Variants in TGDS observed in about 807,000 individuals in gnomAD.
TGDS encodes the protein TDP-glucose 4,6-dehydratase.
In TGDS, 47 loss-of-function variants were observed where a neutral mutation model predicts 52.3. The ratio of observed to expected loss-of-function variants is 0.90; its 90% confidence interval spans 0.71 to 1.15. The LOEUF (loss-of-function observed/expected upper bound fraction) is 1.15. Among genes scored for constraint, TGDS ranks in the 50% most tolerant of loss-of-function variants. The probability of loss-of-function intolerance (pLI) is 0.00; values close to 1 mark genes in which losing one functional copy is unlikely to be tolerated. For synonymous variants in TGDS, 115 were observed against 136.9 expected (o/e 0.84, Z 1.12); for missense variants, 375 against 418.4 (o/e 0.90, Z 0.90).
intron 2 of TGDS, among the ~76,000 whole-genome samples, chr13:94,593,409 T>C (rs1285337576): frequency 6.6e-6 from 1 of 152,168 alleles, no homozygotes; most frequent in Non-Finnish European, 1.5e-5. Flanking sequence ...CCAATTACCC[T>C]GATTTGATCA....
At chr13:94,582,569 G>A (rs930889356) in intron 5 of TGDS, among the ~76,000 whole-genome samples, 1 of 152,192 alleles carries the variant, frequency 6.6e-6, no homozygotes, top group Non-Finnish European at 1.5e-5. Context: ...TCAACTTGAC[G>A]GGATTGAAGG....
At chr13:94,577,871 G>A (rs972521480) in intron 9 of TGDS, 134 bp downstream of exon 9, 1 of 896,578 alleles carries the variant, frequency 1.1e-6, no homozygotes, top group Non-Finnish European at 1.6e-6. Context: ...AGACACATAT[G>A]GTACACAAAA....
intron 8 of TGDS, 27 bp from the exon 9 acceptor site, chr13:94,578,197 AT>A (rs1329135849): frequency 6.2e-7 from 1 of 1,610,124 alleles, no homozygotes; most frequent in East Asian, 2.2e-5. Context: ...AAGTGAAATC[AT>A]AAAGTGTAAA....
chr13:94,580,426 A>C (rs1052450806), intron 6 of TGDS, among the ~76,000 whole-genome samples: 1 of 152,214 alleles, frequency 6.6e-6, no homozygotes, highest in Non-Finnish European at 1.5e-5. Flanking sequence ...CCAGTCCCTA[A>C]AAACTCACAA....
intron 11 of TGDS, among the ~76,000 whole-genome samples, 196 bp from the exon 12 acceptor site, chr13:94,575,048 T>C (rs1888548039): frequency 1.3e-5 from 2 of 152,110 alleles, no homozygotes; most frequent in Non-Finnish European, 2.9e-5. Flanking sequence ...TTAAATCACC[T>C]AAAAAATTTA....
intron 4 of TGDS, among the ~76,000 whole-genome samples, chr13:94,588,648 G>A (rs1889087055): frequency 6.6e-6 from 1 of 152,092 alleles, no homozygotes; most frequent in Non-Finnish European, 1.5e-5. Context: ...CAAATGGAAA[G>A]GTTTTTAACT....
intron 2 of TGDS, among the ~76,000 whole-genome samples, chr13:94,592,932 G>T (rs193061279): frequency 6.6e-6 from 1 of 152,058 alleles, no homozygotes; most frequent in Non-Finnish European, 1.5e-5. Context: ...TGAGGAGGGC[G>T]GACCACAGGT....
intron 1 of TGDS, among the ~76,000 whole-genome samples, chr13:94,595,706 A>G (rs1338180195): frequency 6.6e-6 from 1 of 152,124 alleles, no homozygotes; most frequent in Non-Finnish European, 1.5e-5. Context: ...TACAGGGCCC[A>G]TCGTGGGGTG....
At chr13:94,581,023 CTGACT>C in intron 6 of TGDS, 63 bp downstream of exon 6, 1 of 910,550 alleles carries the variant, frequency 1.1e-6, no homozygotes, top group Non-Finnish European at 1.6e-6. Flanking sequence ...AAAAAAAAAG[CTGACT>C]TGGAGTTTTA....
chr13:94,588,421 C>CAAAAAAAAAAAAAAAAAAAAAAA (rs150186125), intron 4 of TGDS, among the ~76,000 whole-genome samples: 3 of 58,492 alleles, frequency 5.1e-5, no homozygotes, highest in African/African-American at 7.0e-5. Context: ...GACTCTGTCT[C>CAAAAAAAAAAAAAAAAAAAAAAA]AAAAAAAAAA....
chr13:94,578,598 G>C (rs1182564739), intron 8 of TGDS, 132 bp downstream of exon 8: 11 of 670,434 alleles, frequency 1.6e-5, no homozygotes, highest in Non-Finnish European at 2.9e-5. Flanking sequence ...TATTACACTG[G>C]AGAAATGATT....
intron 5 of TGDS, among the ~76,000 whole-genome samples, chr13:94,581,695 G>T (rs764232595): frequency 1.2e-4 from 18 of 152,184 alleles, no homozygotes; most frequent in Non-Finnish European, 2.4e-4. Context: ...TGAAAATTGA[G>T]AAGTGGTCAA....
chr13:94,589,961 T>C (rs1889132027), intron 4 of TGDS, among the ~76,000 whole-genome samples: 8 of 151,970 alleles, frequency 5.3e-5, no homozygotes, highest in Admixed American at 5.2e-4. Context: ...TTCAAGGTAG[T>C]AGTGCTCAAA....
chr13:94,574,511 C>A lies in TGDS; in HGVS notation c.*271G>T. Reference sequence around the variant, plus strand: ...GGTTGTCCGAATCAGGAGACTTCTTCCTGGCTACCCTTAGGGAGAGTCTTC... The same window carrying A: ...GGTTGTCCGAATCAGGAGACTTCTTACTGGCTACCCTTAGGGAGAGTCTTC... On this transcript the variant is annotated 3_prime_UTR_variant, in exon 12 of 12. Coordinates refer to ENST00000261296, the MANE Select transcript of TGDS (RefSeq NM_014305.4). The A allele has an allele frequency of 3.3e-6, 1 of 303,066 alleles. No homozygotes were observed. The highest frequency in any genetic ancestry group is 6.0e-6 in the Non-Finnish European group (1 of 165,468). 18.8% of individuals were successfully genotyped at this position (303,066 alleles called of 1,614,324 possible). A position where few individuals can be genotyped will look rare whatever the true frequency, so the allele number is the denominator to read the frequency against.
chr13:94,595,642 G>A (rs1028744491), intron 1 of TGDS, among the ~76,000 whole-genome samples: 1 of 152,150 alleles, frequency 6.6e-6, no homozygotes, highest in Non-Finnish European at 1.5e-5. Context: ...AAAGTTTGCT[G>A]ATTACATAGA....
intron 6 of TGDS, among the ~76,000 whole-genome samples, chr13:94,580,797 A>G (rs1188515629): frequency 3.3e-5 from 5 of 152,222 alleles, no homozygotes; most frequent in African/African-American, 1.2e-4. Flanking sequence ...TTAAAATTCC[A>G]TAATATGTAA....
intron 3 of TGDS, 109 bp downstream of exon 3, chr13:94,592,132 A>T: frequency 1.4e-6 from 1 of 723,898 alleles, no homozygotes; most frequent in Non-Finnish European, 2.1e-6. Context: ...AAAGGTCTTT[A>T]ATTAGTGTTC....
chr13:94,583,654 A>G (rs1888879297), intron 4 of TGDS, among the ~76,000 whole-genome samples: 1 of 152,212 alleles, frequency 6.6e-6, no homozygotes, highest in Admixed American at 6.5e-5. Flanking sequence ...GAACCTCTAT[A>G]ACCAGGAAAC....
intron 4 of TGDS, among the ~76,000 whole-genome samples, chr13:94,587,499 G>A (rs1272262248): frequency 1.3e-5 from 2 of 151,278 alleles, no homozygotes; most frequent in Non-Finnish European, 2.9e-5. Context: ...GAATAGAGCC[G>A]AGAAACAAAA....
Sources: gnomAD v4.1 joint callset for allele counts (sites outside exome capture counted in the v4.1 genomes callset) on GRCh38, gnomAD v4.1.1 for gene constraint, MANE v1.5 for transcripts, NCBI Gene and HGNC (gene_info 2026-07-23, HGNC 2026-07-21) for gene names.